Variants in DAP observed in about 807,000 individuals in gnomAD.
DAP encodes death associated protein, also known as death-associated protein 1.
DAP carries 8 observed loss-of-function variants against 13.8 expected under a neutral mutation model. That is an observed-to-expected ratio of 0.58 (90% CI 0.34 to 1.05). The LOEUF is 1.05. Among genes scored for constraint, DAP ranks in the 50% least tolerant of loss-of-function variants. The probability of loss-of-function intolerance (pLI) is 0.03; values close to 1 mark genes in which losing one functional copy is unlikely to be tolerated. For missense variants in DAP, 106 were observed against 133.2 expected (o/e 0.80, Z 1.01); for synonymous variants, 47 against 47.5 (o/e 0.99, Z 0.04).
intron 1 of DAP, among the ~76,000 whole-genome samples, chr5:10,759,963 C>G (rs1740298638): frequency 2.0e-5 from 3 of 151,968 alleles, no homozygotes; most frequent in African/African-American, 7.3e-5. Flanking sequence ...CCATGTTATC[C>G]AGGCTAGTCT....
chr5:10,755,160 G>C lies in DAP; in HGVS notation c.55+5854C>G, dbSNP rs377417550. ...GCGGAAGAGTCAGGGCTCTGAGTGT[G>C]TGATGTGAGGATGTGACTGGTCATT... On this transcript the variant is annotated intron_variant, in intron 1 of 3. Coordinates refer to ENST00000230895, the MANE Select transcript of DAP (RefSeq NM_004394.3). Among the ~76,000 whole-genome samples, 38 of 152,352 alleles carry C rather than the reference G, an allele frequency of 2.5e-4. No individual in the cohort carries two copies. In the East Asian group the frequency reaches 7.1e-3, roughly 29 times the overall value.
intron 2 of DAP, among the ~76,000 whole-genome samples, chr5:10,736,525 C>G (rs964864335): frequency 3.3e-5 from 5 of 152,236 alleles, no homozygotes; most frequent in African/African-American, 1.2e-4. Context: ...TGCCAGCAGA[C>G]TCGGCTGCCG....
At chr5:10,753,663 C>T (rs1239326455) in intron 1 of DAP, among the ~76,000 whole-genome samples, 1 of 152,182 alleles carries the variant, frequency 6.6e-6, no homozygotes, top group Non-Finnish European at 1.5e-5. Flanking sequence ...CTAGAAAATG[C>T]TACTGCGGGA....
intron 1 of DAP, among the ~76,000 whole-genome samples, chr5:10,758,205 CCTT>C (rs1561038797): frequency 6.9e-6 from 1 of 145,788 alleles, no homozygotes; most frequent in Admixed American, 6.8e-5. Context: ...TAGTGGGCCG[CCTT>C]TTTTTTTTTT....
intron 2 of DAP, among the ~76,000 whole-genome samples, chr5:10,735,800 T>C (rs2126670052): frequency 6.6e-6 from 1 of 152,318 alleles, no homozygotes; most frequent in East Asian, 1.9e-4. Context: ...CTGTCATTGC[T>C]GTTGGAATGC....
At position 10,680,359 on chromosome 5, in the gene DAP, C is replaced by CA; in HGVS notation, c.*696_*697insT. The CA allele has an allele frequency of 3.8e-6, 1 of 262,804 alleles. No individual in the cohort carries two copies. 16.3% of individuals were successfully genotyped at this position (262,804 alleles called of 1,614,324 possible). A position where few individuals can be genotyped will look rare whatever the true frequency, so the allele number is the denominator to read the frequency against. On this transcript the variant is annotated 3_prime_UTR_variant, in exon 4 of 4. Coordinates refer to ENST00000230895, the MANE Select transcript of DAP (RefSeq NM_004394.3). ...CTGGTGGAGCCTGTCTGGGCTGAGG[C>CA]GATGCTGGGCTTGCCGTGCCGAGAT... is the stretch of plus-strand genomic sequence containing the variant.
intron 2 of DAP, among the ~76,000 whole-genome samples, chr5:10,715,093 T>C (rs1738949543): frequency 6.6e-6 from 1 of 151,928 alleles, no homozygotes; most frequent in African/African-American, 2.4e-5. Context: ...TCTTCCAGAG[T>C]TGTGCCACAA....
chr5:10,708,932 C>G (rs1000755112), intron 2 of DAP, among the ~76,000 whole-genome samples: 1 of 152,138 alleles, frequency 6.6e-6, no homozygotes, highest in Non-Finnish European at 1.5e-5. Flanking sequence ...TTCATTGGGT[C>G]AAAGGTTATA....
At position 10,680,705 on chromosome 5, in the gene DAP, TCTC is replaced by T; in HGVS notation, c.*348_*350del. ...TTTTCTCCTAACCTTAATCTCATCTTCTCAAATGTGTGCCTTCTTGTTTTTAAG... is the reference window on the plus strand; with the variant it reads ...TTTTCTCCTAACCTTAATCTCATCTTAAATGTGTGCCTTCTTGTTTTTAAG... On this transcript the variant is annotated 3_prime_UTR_variant, in exon 4 of 4. Coordinates refer to ENST00000230895, the MANE Select transcript of DAP (RefSeq NM_004394.3). 1 of 1,531,142 alleles carries T rather than the reference TCTC, an allele frequency of 6.5e-7. No homozygotes were observed. 94.8% of individuals were successfully genotyped at this position (1,531,142 alleles called of 1,614,324 possible). A position where few individuals can be genotyped will look rare whatever the true frequency, so the allele number is the denominator to read the frequency against.
intron 2 of DAP, among the ~76,000 whole-genome samples, chr5:10,710,185 G>A (rs1738810437): frequency 6.6e-6 from 1 of 152,240 alleles, no homozygotes; most frequent in Non-Finnish European, 1.5e-5. Context: ...GAAGCCTCAG[G>A]GAGAGGTGGC....
intron 2 of DAP, among the ~76,000 whole-genome samples, chr5:10,698,997 T>C (rs1034896276): frequency 6.6e-6 from 1 of 152,202 alleles, no homozygotes; most frequent in Non-Finnish European, 1.5e-5. Context: ...GTTGGTTGGT[T>C]CAGGTGAGCT....
intron 2 of DAP, chr5:10,734,355 T>C (rs1438969006): frequency 6.6e-6 from 1 of 152,258 alleles, no homozygotes; most frequent in Non-Finnish European, 1.5e-5. Context: ...GCCAGAGTTG[T>C]ACAAATACTG....
intron 2 of DAP, among the ~76,000 whole-genome samples, chr5:10,742,009 C>T (rs887425021): frequency 1.3e-5 from 2 of 152,188 alleles, no homozygotes; most frequent in African/African-American, 2.4e-5. Flanking sequence ...ACGTAAATAT[C>T]GTGTTTTTCC....
At chr5:10,743,375 T>C (rs1561031800) in intron 2 of DAP, among the ~76,000 whole-genome samples, 1 of 152,216 alleles carries the variant, frequency 6.6e-6, no homozygotes, top group Non-Finnish European at 1.5e-5. Flanking sequence ...GGCTTACTTG[T>C]CAGGTGTGTG....
chr5:10,705,262 C>G (rs527325720), intron 2 of DAP, among the ~76,000 whole-genome samples: 2 of 152,304 alleles, frequency 1.3e-5, no homozygotes, highest in East Asian at 3.9e-4. Flanking sequence ...GTATTAAAGG[C>G]TGAGTTGCAA....
chr5:10,690,127 T>G (rs1561007787), intron 2 of DAP, among the ~76,000 whole-genome samples: 1 of 152,166 alleles, frequency 6.6e-6, no homozygotes, highest in African/African-American at 2.4e-5. Flanking sequence ...TTACACAATA[T>G]TCAAGAATTG....
intron 2 of DAP, among the ~76,000 whole-genome samples, chr5:10,703,286 T>G (rs752615093): frequency 6.6e-6 from 1 of 152,202 alleles, no homozygotes; most frequent in African/African-American, 2.4e-5. Flanking sequence ...TCCTAAACTG[T>G]CTCAGAAGAC....
intron 2 of DAP, among the ~76,000 whole-genome samples, chr5:10,727,194 TCA>T (rs1359114671): frequency 1.3e-5 from 2 of 152,192 alleles, no homozygotes; most frequent in Non-Finnish European, 2.9e-5. Context: ...GAACTGTCTC[TCA>T]ATGTGCCCAT....
chr5:10,708,423 T>G (rs183547961), intron 2 of DAP, among the ~76,000 whole-genome samples: 3 of 132,066 alleles, frequency 2.3e-5, no homozygotes, highest in African/African-American at 8.7e-5. Context: ...CACACAGGCA[T>G]ACACATATAC....
Sources: gnomAD v4.1 joint callset for allele counts (sites outside exome capture counted in the v4.1 genomes callset) on GRCh38, gnomAD v4.1.1 for gene constraint, MANE v1.5 for transcripts, NCBI Gene and HGNC (gene_info 2026-07-23, HGNC 2026-07-21) for gene names.